Variants in GYS1 observed in about 807,000 individuals in gnomAD.
GYS1 encodes glycogen synthase 1.
A neutral mutation model predicts 89.1 loss-of-function variants in GYS1; 60 were observed. The ratio of observed to expected loss-of-function variants is 0.67; its 90% CI spans 0.55 to 0.84. The LOEUF (loss-of-function observed/expected upper bound fraction) is 0.84. Among genes scored for constraint, GYS1 ranks in the 40% least tolerant of loss-of-function variants. GYS1 has a pLI of 0.00. For missense variants in GYS1, 888 were observed against 1,003.1 expected (o/e 0.89, Z 1.55); for synonymous variants, 366 against 401.7 (o/e 0.91, Z 1.06).
chr19:48,990,039 G>C (rs961098766), intron 2 of GYS1, among the ~76,000 whole-genome samples: 4 of 149,664 alleles, frequency 2.7e-5, no homozygotes, highest in African/African-American at 1.0e-4. Flanking sequence ...CAGCACGTGG[G>C]AAGCAGCTGC....
rs897535884 is a variant in GYS1 at position 48,969,723 on chromosome 19, C to T, written c.1890+52G>A. On this transcript the variant is annotated intron_variant, in intron 15 of 15. Coordinates refer to ENST00000323798, the MANE Select transcript of GYS1 (RefSeq NM_002103.5). ...ACTCCAGGAGGGACCCCCACCCCAC[C>T]GAAGCCCAGCCCTTTAGCTCCTGGC... 1.2e-5 allele frequency: 19 copies of T among 1,591,958 alleles called. No individual in the cohort carries two copies. In the East Asian group the frequency reaches 1.6e-4, roughly 13 times the overall value.
At chr19:48,979,992 T>C (rs1237655326) in intron 8 of GYS1, among the ~76,000 whole-genome samples, 3 of 152,132 alleles carry the variant, frequency 2.0e-5, no homozygotes, top group Non-Finnish European at 2.9e-5. Flanking sequence ...TTGCCTAGGC[T>C]GGAGTGCAGT....
chr19:48,974,277 C>T lies in GYS1; in HGVS notation c.1485G>A (p.Glu495=), dbSNP rs1261764650. Residue 495 remains glutamate (E), a synonymous_variant, in exon 12 of 16, where the codon GAG becomes GAA. Transcript: ENST00000323798. ...TSPLLPVDYE[E]FVRGCHLGVF... is the part of the protein sequence containing the mutation. ...CTCCAAGGTGACAGCCACGGACAAA[C>T]TCCTCATAGTCCACAGGGAGCAGGG... 3 of 1,613,876 alleles carry T rather than the reference C, an allele frequency of 1.9e-6. No individual in the cohort carries two copies. In the East Asian group the frequency reaches 6.7e-5, roughly 36 times the overall value.
chr19:48,975,755 G>A (rs889053618), intron 10 of GYS1, among the ~76,000 whole-genome samples: 13 of 151,578 alleles, frequency 8.6e-5, no homozygotes, highest in Admixed American at 5.9e-4. Context: ...GTGAAACCCC[G>A]TCTCTACTAA....
intron 5 of GYS1, among the ~76,000 whole-genome samples, chr19:48,984,523 G>A (rs1346640180): frequency 6.6e-6 from 1 of 151,150 alleles, no homozygotes; most frequent in Non-Finnish European, 1.5e-5. Context: ...AGCCTCCCGA[G>A]TAGCTGGGAT....
chr19:48,974,819 G>C (rs74715366), intron 10 of GYS1, 86 bp from the exon 11 acceptor site: 1 of 923,490 alleles, frequency 1.1e-6, no homozygotes, highest in East Asian at 2.5e-5. Flanking sequence ...CCCTGGGGGA[G>C]CCAAGGAGAC....
intron 1 of GYS1, 74 bp downstream of exon 1, chr19:48,992,921 C>G (rs766481850): frequency 4.5e-6 from 4 of 879,500 alleles, no homozygotes; most frequent in Non-Finnish European, 5.9e-6. Context: ...CCCCGTCCTC[C>G]TACAACTCAG....
intron 2 of GYS1, 23 bp from the exon 3 acceptor site, chr19:48,987,408 C>A: frequency 6.5e-7 from 1 of 1,548,986 alleles, no homozygotes; most frequent in Non-Finnish European, 8.7e-7. Context: ...TGGGGAGGCA[C>A]CATAGGGAGG....
At chr19:48,970,791 T>C in intron 13 of GYS1, 82 bp from the exon 14 acceptor site, 2 of 1,477,836 alleles carry the variant, frequency 1.4e-6, no homozygotes, top group Non-Finnish European at 1.9e-6. Context: ...CCAGGACCCC[T>C]CCTCTCCCAG....
intron 14 of GYS1, 110 bp from the exon 15 acceptor site, chr19:48,969,965 C>A: frequency 2.8e-6 from 2 of 727,022 alleles, no homozygotes. Context: ...CACTGCTGCA[C>A]CCCATACAAA....
intron 13 of GYS1, 109 bp downstream of exon 13, chr19:48,970,819 C>A: frequency 1.4e-6 from 2 of 1,393,972 alleles, no homozygotes; most frequent in Admixed American, 3.4e-5. Flanking sequence ...AGAGCCCCCC[C>A]ATTTCCTGGT....
chr19:48,978,248 G>T, intron 8 of GYS1, 91 bp from the exon 9 acceptor site: 1 of 1,151,144 alleles, frequency 8.7e-7, no homozygotes, highest in Non-Finnish European at 1.3e-6. Flanking sequence ...ATTTTGAGAC[G>T]GAGTTTGGCT....
chr19:48,970,455 C>G, intron 14 of GYS1, 91 bp downstream of exon 14: 2 of 1,070,474 alleles, frequency 1.9e-6, no homozygotes, highest in Non-Finnish European at 2.9e-6. Context: ...GCAACTGTTA[C>G]AAGTAGGATG....
At chr19:48,975,911 C>CAAAAAAAAAAA (rs760164673) in intron 10 of GYS1, among the ~76,000 whole-genome samples, 2 of 41,320 alleles carry the variant, frequency 4.8e-5, no homozygotes, top group African/African-American at 8.8e-5. Context: ...GACTCCGTCT[C>CAAAAAAAAAAA]AAAAAAAAAA....
chr19:48,986,673 C>A (rs2122523238), intron 3 of GYS1, among the ~76,000 whole-genome samples: 1 of 152,040 alleles, frequency 6.6e-6, no homozygotes, highest in Middle Eastern at 3.4e-3. Flanking sequence ...CCACACCCAG[C>A]TAATTTTTTT....
At position 48,974,193 on chromosome 19, in the gene GYS1, C is replaced by T. The variant is rs2038608890; in HGVS notation, c.1549+20G>A. The T allele has an allele frequency of 6.3e-7, 1 of 1,582,834 alleles. No individual in the cohort carries two copies. The highest frequency in any genetic ancestry group is 8.6e-7 in the Non-Finnish European group (1 of 1,163,698). ...GACTAGGATGCCATGACCACGCTGT[C>T]CCCTGCCCACTACACTCACCCGGTG... On this transcript the variant is annotated intron_variant, in intron 12 of 15. Transcript: ENST00000323798.
Position 48,970,545 on chromosome 19 carries a change from C to G in GYS1, c.1809+1G>C. ...AGAGGATAGGAAAGTGGGGGTCCTA[C>G]CCGGCCTAGGTATTTCCAGTCCAGA... On this transcript the variant is annotated splice_donor_variant, in intron 14 of 15. Transcript: ENST00000323798. LOFTEE classifies it high-confidence loss of function. The G allele has an allele frequency of 6.2e-7, 1 of 1,613,136 alleles. No individual in the cohort carries two copies. The highest frequency in any genetic ancestry group is 1.8e-4 in the Middle Eastern group (1 of 5,670).
At chr19:48,986,182 C>T (rs902118113) in intron 3 of GYS1, 147 bp from the exon 4 acceptor site, 59 of 742,482 alleles carry the variant, frequency 7.9e-5, no homozygotes, top group South Asian at 3.2e-4. Flanking sequence ...CAATCCCAAC[C>T]GGACAGGGAC....
chr19:48,984,753 C>T (rs972489884), intron 5 of GYS1, among the ~76,000 whole-genome samples: 3 of 151,750 alleles, frequency 2.0e-5, no homozygotes, highest in Non-Finnish European at 2.9e-5. Context: ...TGGTGGCAGG[C>T]GCGTATAGTC....
Sources: gnomAD v4.1 joint callset for allele counts (sites outside exome capture counted in the v4.1 genomes callset) on GRCh38, gnomAD v4.1.1 for gene constraint, MANE v1.5 for transcripts, NCBI Gene and HGNC (gene_info 2026-07-23, HGNC 2026-07-21) for gene names.